The following FSIP1 variants were observed in gnomAD, a reference collection of about 807,000 sequenced individuals.
The protein encoded by FSIP1 is fibrous sheath-interacting protein 1.
FSIP1 carries 65 observed loss-of-function variants against 60.9 expected under a neutral mutation model. The observed-to-expected ratio is 1.07, with a 90% confidence interval of 0.87 to 1.31. The LOEUF (loss-of-function observed/expected upper bound fraction) is 1.31. FSIP1 is among the 40% of genes most tolerant of loss of function. The probability of loss-of-function intolerance (pLI) is 0.00; values close to 1 mark genes in which losing one functional copy is unlikely to be tolerated. For synonymous variants in FSIP1, 209 were observed against 221.2 expected, an observed-to-expected ratio of 0.94 and a Z score of 0.49; for missense variants, 675 against 665.5, an observed-to-expected ratio of 1.01 and a Z score of -0.16.
At chr15:39,761,614 T>C (rs908190647) in intron 5 of FSIP1, among the ~76,000 whole-genome samples, 2 of 152,178 alleles carry the variant, frequency 1.3e-5, no homozygotes, top group African/African-American at 4.8e-5. Context: ...AAGTCTCAGT[T>C]AGACAGGAAG....
At chr15:39,599,846 C>T (rs554236467), downstream of FSIP1, among the ~76,000 whole-genome samples, 1 of 152,278 alleles carries the variant, frequency 6.6e-6, no homozygotes, top group East Asian at 1.9e-4. Context: ...TCAGCATGAA[C>T]AATTGCTATT....
At chr15:39,700,983 C>T (rs749824703) in intron 10 of FSIP1, among the ~76,000 whole-genome samples, 1 of 152,086 alleles carries the variant, frequency 6.6e-6, no homozygotes, top group Non-Finnish European at 1.5e-5. Context: ...GAGACCTCAC[C>T]TCTACAAAAA....
chr15:39,670,795 C>T (rs1332590174), intron 10 of FSIP1, among the ~76,000 whole-genome samples: 1 of 152,186 alleles, frequency 6.6e-6, no homozygotes, highest in African/African-American at 2.4e-5. Context: ...TTAGGAATGC[C>T]ACAGAAATTC....
Position 39,732,199 on chromosome 15 carries a change from G to C in FSIP1, c.892-5452C>G, listed in dbSNP as rs559416552. Among the ~76,000 whole-genome samples the C allele has an allele frequency of 2.0e-5, 3 of 152,328 alleles. No homozygotes were observed. The East Asian group carries it at 5.8e-4, about 29-fold the overall frequency. On this transcript the variant is annotated intron_variant, in intron 8 of 11. Coordinates refer to ENST00000350221, the MANE Select transcript of FSIP1 (RefSeq NM_152597.5). ...CTAATGTGACAGGAGGCACAGCTCA[G>C]GTGGTAATGCTCGCTAGCCCACCGC...
At chr15:39,604,452 T>C (rs547036699) in intron 11 of FSIP1, among the ~76,000 whole-genome samples, 1 of 152,294 alleles carries the variant, frequency 6.6e-6, no homozygotes, top group South Asian at 2.1e-4. Flanking sequence ...ACTGCTAAAA[T>C]GATAGAGAAA....
intron 11 of FSIP1, among the ~76,000 whole-genome samples, chr15:39,606,778 C>T (rs945157868): frequency 1.3e-5 from 2 of 152,110 alleles, no homozygotes; most frequent in Non-Finnish European, 2.9e-5. Context: ...TTGTTATTTG[C>T]TAATACCATG....
intron 10 of FSIP1, among the ~76,000 whole-genome samples, chr15:39,693,309 A>C (rs1240518992): frequency 6.6e-6 from 1 of 152,202 alleles, no homozygotes; most frequent in Non-Finnish European, 1.5e-5. Flanking sequence ...TGAACAGCCA[A>C]GTATATAAGC....
chr15:39,618,648 G>A (rs1363961679), intron 10 of FSIP1, among the ~76,000 whole-genome samples: 2 of 152,258 alleles, frequency 1.3e-5, no homozygotes, highest in Non-Finnish European at 2.9e-5. Flanking sequence ...TTGCTGCAAA[G>A]CTACAGGTCT....
chr15:39,707,042 C>T (rs893430833), intron 10 of FSIP1, among the ~76,000 whole-genome samples: 10 of 152,150 alleles, frequency 6.6e-5, no homozygotes, highest in African/African-American at 2.2e-4. Flanking sequence ...TTTTCAGTTA[C>T]GGTCTCATAG....
rs114200077 is a variant in FSIP1 at position 39,671,067 on chromosome 15, G to A, written c.1188+42377C>T. On this transcript the variant is annotated intron_variant, in intron 10 of 11. Transcript: ENST00000350221. ...GGTTGATTCTTGTTTTTATTAATGT[G>A]TAATCATTTACAGGACATACTTCAT... is the stretch of plus-strand genomic sequence containing the variant. 2.8e-3 allele frequency among the ~76,000 whole-genome samples: 425 copies of A among 152,250 alleles called. 5 individuals are homozygous for A. Among genetic ancestry groups the A allele is most frequent in the Non-Finnish European group, 3.2e-3 (217 of 68,016 alleles).
Position 39,645,592 on chromosome 15 carries a change from T to C in FSIP1, c.1189-27347A>G, listed in dbSNP as rs1416091509. ...GTGGCTGCAGATCTGGAACTCCCAGTTGGGAAGCAGGCAGGAGCCGGGGAC... is the reference window on the plus strand; with the variant it reads ...GTGGCTGCAGATCTGGAACTCCCAGCTGGGAAGCAGGCAGGAGCCGGGGAC... On this transcript the variant is annotated intron_variant, in intron 10 of 11. Coordinates refer to ENST00000350221, the MANE Select transcript of FSIP1 (RefSeq NM_152597.5). Among the ~76,000 whole-genome samples, 3 of 151,476 alleles carry C rather than the reference T, an allele frequency of 2.0e-5. No individual in the cohort carries two copies. In the East Asian group the frequency reaches 5.9e-4, roughly 30 times the overall value.
chr15:39,779,531 C>T (rs1898178819), intron 1 of FSIP1, among the ~76,000 whole-genome samples: 1 of 152,130 alleles, frequency 6.6e-6, no homozygotes, highest in Admixed American at 6.5e-5. Context: ...CTGAGCTATA[C>T]GCTATTGGTA....
At chr15:39,699,307 TG>T (rs1414335408) in intron 10 of FSIP1, among the ~76,000 whole-genome samples, 3 of 152,242 alleles carry the variant, frequency 2.0e-5, no homozygotes, top group Non-Finnish European at 4.4e-5. Context: ...ATTGCAATTT[TG>T]TTAGAGATAC....
chr15:39,772,966 T>C (rs950816315), intron 2 of FSIP1, among the ~76,000 whole-genome samples: 2 of 152,090 alleles, frequency 1.3e-5, no homozygotes, highest in African/African-American at 4.8e-5. Context: ...AAATACCTCA[T>C]GAAACCCCTT....
chr15:39,729,924 T>C (rs1896339342), intron 8 of FSIP1, among the ~76,000 whole-genome samples: 1 of 152,168 alleles, frequency 6.6e-6, no homozygotes, highest in South Asian at 2.1e-4. Context: ...ATGGAAAAAC[T>C]ACCTATTGGG....
chr15:39,716,578 C>T (rs28626090), intron 9 of FSIP1, among the ~76,000 whole-genome samples: 18,892 of 152,106 alleles, frequency 0.12, 1,398 homozygotes, highest in African/African-American at 0.2. Context: ...TGCACAGATA[C>T]TTCATAAAAG....
In FSIP1 at chr15:39,764,087, T is replaced by C. The variant is rs184400978; in HGVS notation, c.466-173A>G. Among the ~76,000 whole-genome samples the C allele has an allele frequency of 2.0e-3, 306 of 152,238 alleles. 1 individual carries two copies. The highest frequency in any genetic ancestry group is 6.8e-3 in the African/African-American group (281 of 41,548). ...CTCTGTTCTCACAAAATTCTGTCAA[T>C]GGGTATTCCCAGATAGAGTCAGAGT... On this transcript the variant is annotated intron_variant, in intron 4 of 11. Coordinates refer to ENST00000350221, the MANE Select transcript of FSIP1 (RefSeq NM_152597.5).
At chr15:39,778,163 C>A (rs1226595948) in intron 1 of FSIP1, among the ~76,000 whole-genome samples, 1 of 152,128 alleles carries the variant, frequency 6.6e-6, no homozygotes, top group Non-Finnish European at 1.5e-5. Flanking sequence ...TCACCCTGGC[C>A]CCTCACATCA....
intron 10 of FSIP1, among the ~76,000 whole-genome samples, chr15:39,681,740 A>G (rs1047956566): frequency 2.0e-5 from 3 of 152,238 alleles, no homozygotes; most frequent in Admixed American, 6.5e-5. Context: ...ATGTACAGTC[A>G]GTGTGCAAAA....
Sources: gnomAD v4.1 joint callset for allele counts (sites outside exome capture counted in the v4.1 genomes callset) on GRCh38, gnomAD v4.1.1 for gene constraint, MANE v1.5 for transcripts, NCBI Gene and HGNC (gene_info 2026-07-23, HGNC 2026-07-21) for gene names.